NSD3: variants seen among roughly 807,000 people sequenced by gnomAD.
NSD3 encodes nuclear receptor binding SET domain protein 3.
In NSD3, 24 loss-of-function variants were observed where a neutral mutation model predicts 160.8. The ratio of observed to expected loss-of-function variants is 0.15; its 90% confidence interval spans 0.11 to 0.21. The LOEUF (loss-of-function observed/expected upper bound fraction) is 0.21. Ranked by LOEUF, NSD3 falls within the 10% of genes least tolerant of loss-of-function variation. NSD3 has a pLI of 1.00. For synonymous variants in NSD3, 520 were observed against 600.0 expected (o/e 0.87, Z 1.95); for missense variants, 1,157 against 1,735.9 (o/e 0.67, Z 5.93).
Position 38,321,243 on chromosome 8 carries a change from T to G in NSD3, c.1709-71A>C. ...CCTTGACATCTATGTAATTAAGATA[T>G]GACCACATTCCTTGCTTTTCTTACC... On this transcript the variant is annotated intron_variant, in intron 7 of 23. Coordinates refer to ENST00000317025, the MANE Select transcript of NSD3 (RefSeq NM_023034.2). The surrounding 1 kb of genome is among the most constrained non-coding windows in gnomAD (Gnocchi z 4.7). 1 of 1,265,770 alleles carries G rather than the reference T, an allele frequency of 7.9e-7. No homozygotes were observed. Among genetic ancestry groups the G allele is most frequent in the Non-Finnish European group, 1.1e-6 (1 of 908,782 alleles). The allele number at this position is 1,265,770 out of a possible 1,614,324, so 78.4% of individuals were successfully genotyped here. A position where few individuals can be genotyped will look rare whatever the true frequency, so the allele number is the denominator to read the frequency against.
chr8:38,330,004 T>G (rs1049498087), intron 5 of NSD3, 111 bp from the exon 6 acceptor site: 3 of 1,311,334 alleles, frequency 2.3e-6, no homozygotes, highest in African/African-American at 3.0e-5. Flanking sequence ...ATAAATATCT[T>G]CAGGTTCTTT....
At chr8:38,376,490 C>T (rs1428375520) in intron 1 of NSD3, among the ~76,000 whole-genome samples, 1 of 151,590 alleles carries the variant, frequency 6.6e-6, no homozygotes, top group East Asian at 1.9e-4. Context: ...GGCTGGAGTG[C>T]AATGGCGCGA....
intron 1 of NSD3, among the ~76,000 whole-genome samples, chr8:38,354,936 C>T (rs1406166776): frequency 6.6e-6 from 1 of 152,106 alleles, no homozygotes; most frequent in Non-Finnish European, 1.5e-5. Flanking sequence ...CCAAATAATA[C>T]AACAATGCAA....
At chr8:38,355,894 C>A (rs960369757) in intron 1 of NSD3, among the ~76,000 whole-genome samples, 2 of 152,156 alleles carry the variant, frequency 1.3e-5, no homozygotes, top group Non-Finnish European at 2.9e-5. Flanking sequence ...AAAATCAAGG[C>A]CAGTATGATC....
At chr8:38,370,795 G>C (rs1811228303) in intron 1 of NSD3, among the ~76,000 whole-genome samples, 2 of 152,024 alleles carry the variant, frequency 1.3e-5, no homozygotes, top group Non-Finnish European at 1.5e-5. Flanking sequence ...TAAATTTTGG[G>C]TATGTGAATT....
intron 21 of NSD3, 109 bp from the exon 22 acceptor site, chr8:38,278,521 C>T (rs917188343): frequency 3.3e-6 from 3 of 916,828 alleles, no homozygotes; most frequent in East Asian, 5.6e-5. Context: ...GGCATGAAGG[C>T]GTTTCCCTTG....
chr8:38,293,855 G>A (rs576930310), intron 16 of NSD3, among the ~76,000 whole-genome samples: 113 of 146,462 alleles, frequency 7.7e-4, no homozygotes, highest in African/African-American at 2.8e-3. Flanking sequence ...CCTGGGAGGT[G>A]GGGGTTACAG....
intron 5 of NSD3, among the ~76,000 whole-genome samples, chr8:38,330,933 T>C (rs1386818839): frequency 6.6e-6 from 1 of 152,310 alleles, no homozygotes; most frequent in Admixed American, 6.5e-5. Context: ...AGGGGAATAA[T>C]AGTATCTACC....
At chr8:38,311,076 CTTT>C (rs34628829) in intron 12 of NSD3, among the ~76,000 whole-genome samples, 1 of 132,786 alleles carries the variant, frequency 7.5e-6, no homozygotes, top group Non-Finnish European at 1.6e-5. Context: ...TCCCTGATTA[CTTT>C]TTTTTTTTTT....
intron 2 of NSD3, among the ~76,000 whole-genome samples, chr8:38,342,134 G>A (rs184772829): frequency 6.1e-4 from 93 of 152,262 alleles, no homozygotes; most frequent in Non-Finnish European, 1.1e-3. Context: ...GCTAGGGAGC[G>A]AAGGATGCCC....
intron 1 of NSD3, among the ~76,000 whole-genome samples, chr8:38,352,091 C>T (rs1367106654): frequency 6.6e-6 from 1 of 151,500 alleles, no homozygotes; most frequent in Admixed American, 6.6e-5. Flanking sequence ...ATTAACAATG[C>T]CTATTATTAA....
At chr8:38,346,667 T>G (rs542098718) in intron 2 of NSD3, among the ~76,000 whole-genome samples, 24 of 152,092 alleles carry the variant, frequency 1.6e-4, no homozygotes, top group African/African-American at 5.8e-4. Flanking sequence ...TGACCTTTAC[T>G]CCAGAAAAAC....
chr8:38,324,143 T>A (rs1809853263), intron 7 of NSD3, among the ~76,000 whole-genome samples: 1 of 152,254 alleles, frequency 6.6e-6, no homozygotes, highest in Admixed American at 6.5e-5. Context: ...TAAGTCCATC[T>A]ACTCATTCCT....
At chr8:38,312,706 G>A (rs1175504636) in intron 12 of NSD3, among the ~76,000 whole-genome samples, 1 of 152,082 alleles carries the variant, frequency 6.6e-6, no homozygotes, top group African/African-American at 2.4e-5. Flanking sequence ...CATTTGAAGT[G>A]CCTACTCCCA....
chr8:38,381,363 C>T (rs1563375392), intron 1 of NSD3, among the ~76,000 whole-genome samples: 1 of 152,000 alleles, frequency 6.6e-6, no homozygotes, highest in Non-Finnish European at 1.5e-5. Context: ...TCCCCTTCTC[C>T]CAGACTCTTC....
Position 38,329,538 on chromosome 8 carries a change from G to A in NSD3, c.1421C>T (p.Ala474Val). 1.2e-6 allele frequency: 2 copies of A among 1,614,242 alleles called. No individual in the cohort carries two copies. The highest frequency in any genetic ancestry group is 1.7e-6 in the Non-Finnish European group (2 of 1,180,054). Residue 474 changes from alanine (A) to valine (V), a missense_variant, in exon 6 of 24, where the codon GCA (alanine) becomes GTA (valine). By Grantham distance (64) the Ala-to-Val change is moderately conservative. Around this residue, in one of 10 missense-constraint regions of NSD3, gnomAD observed 168 missense variants for 208.1 expected, o/e 0.81. Transcript: ENST00000317025. This position sits in a 1 kb window ranked among gnomAD's most constrained non-coding sequence, Gnocchi z 4.8. ...PPVKIAWKTA[A>V]ARKSLPASIT... is the part of the protein sequence containing the mutation. ...GGAAGCTGGTAAGGATTTCCTTGCT[G>A]CCGCAGTTTTCCAGGCTATTTTAAC...
At position 38,288,838 on chromosome 8, in the gene NSD3, G is replaced by T; in HGVS notation, c.3232-82C>A. The T allele has an allele frequency of 6.5e-7, 1 of 1,531,542 alleles. No individual in the cohort carries two copies. The highest frequency in any genetic ancestry group is 2.3e-5 in the East Asian group (1 of 44,118). The allele number at this position is 1,531,542 out of a possible 1,614,324, so 94.9% of individuals were successfully genotyped here. ...GAACAGGAACATCTAAAACATCCAC[G>T]CTACTGCCTCGTGGTGCTACTCCGA... On this transcript the variant is annotated intron_variant, in intron 18 of 23. Coordinates refer to ENST00000317025, the MANE Select transcript of NSD3 (RefSeq NM_023034.2). This position sits in a 1 kb window ranked among gnomAD's most constrained non-coding sequence, Gnocchi z 4.5.
Position 38,318,014 on chromosome 8 carries a change from C to A in NSD3, c.1855+881G>T. On this transcript the variant is annotated intron_variant, in intron 9 of 23. Transcript: ENST00000317025. The surrounding 1 kb of genome is among the most constrained non-coding windows in gnomAD (Gnocchi z 5.3). ...GGAGCTGTCACTGAATCTGACAGAG[C>A]CCTGCACTCCCCGGTCCGCCGACCC... 6.2e-7 allele frequency: 1 copy of A among 1,614,104 alleles called. No homozygotes were observed. Among genetic ancestry groups the A allele is most frequent in the Non-Finnish European group, 8.5e-7 (1 of 1,180,018 alleles).
chr8:38,326,557 C>A lies in NSD3; in HGVS notation c.1708+173G>T, dbSNP rs1478445300. Among the ~76,000 whole-genome samples, 4 of 152,296 alleles carry A rather than the reference C, an allele frequency of 2.6e-5. No individual in the cohort carries two copies. The East Asian group carries it at 7.7e-4, about 29-fold the overall frequency. On this transcript the variant is annotated intron_variant, in intron 7 of 23. Coordinates refer to ENST00000317025, the MANE Select transcript of NSD3 (RefSeq NM_023034.2). ...AAAATAACTTGCTATGAATAAAGTT[C>A]TCTAGCCCCTAACCCACTTTCCTAT...
Sources: gnomAD v4.1 joint callset for allele counts (sites outside exome capture counted in the v4.1 genomes callset) on GRCh38, gnomAD v4.1.1 for gene constraint, gnomAD v4.1.1 regional missense constraint, Gnocchi (gnomAD v3.1) non-coding constraint, MANE v1.5 for transcripts, NCBI Gene and HGNC (gene_info 2026-07-23, HGNC 2026-07-21) for gene names.